Variants in TACC2 observed in about 807,000 individuals in gnomAD.
TACC2 encodes transforming acidic coiled-coil containing protein 2.
TACC2 carries 137 observed loss-of-function variants against 227.3 expected under a neutral mutation model. The ratio of observed to expected loss-of-function variants is 0.60; its 90% CI spans 0.52 to 0.69. The LOEUF is 0.69. Among genes scored for constraint, TACC2 ranks in the 30% least tolerant of loss-of-function variants. The pLI is 0.00. For missense variants in TACC2, 3,470 were observed against 3,694.4 expected (o/e 0.94, Z 1.57); for synonymous variants, 1,523 against 1,487.5 (o/e 1.02, Z -0.55).
intron 1 of TACC2, among the ~76,000 whole-genome samples, chr10:122,012,048 C>A (rs1402655800): frequency 6.6e-6 from 1 of 151,984 alleles, no homozygotes; most frequent in African/African-American, 2.4e-5. Flanking sequence ...AATGATTCTC[C>A]CGCTTCCGCC....
chr10:122,003,365 T>C (rs1322408497), intron 1 of TACC2, among the ~76,000 whole-genome samples: 1 of 152,218 alleles, frequency 6.6e-6, no homozygotes, highest in Non-Finnish European at 1.5e-5. Flanking sequence ...GGGAATTTAA[T>C]TCATTATTTT....
In TACC2 at chr10:122,082,796, C is replaced by A; in HGVS notation, c.296C>A (p.Pro99Gln). 1 of 1,613,842 alleles carries A rather than the reference C, an allele frequency of 6.2e-7. No individual in the cohort carries two copies. The highest frequency in any genetic ancestry group is 1.3e-5 in the African/African-American group (1 of 75,008). Residue 99 changes from proline (P) to glutamine (Q), a missense_variant, in exon 4 of 23, where the codon CCA becomes CAA. Transcript: ENST00000369005. ...GAAGGTTCTTTGCTGCCCAGCCCAC[C>A]ACCGTCCCAGGAGCGAGAGCACCCC... ...GPEGSLLPSP[P>Q]PSQEREHPSS...
rs993846941 is a variant in TACC2, at chr10:122,155,417, G to A, written c.5834+11711G>A. 1.8e-4 allele frequency among the ~76,000 whole-genome samples: 28 copies of A among 152,212 alleles called. 1 individual carries two copies. Among genetic ancestry groups the A allele is most frequent in the East Asian group, 1.9e-4 (1 of 5,200 alleles). ...ACACATCAACATTCAAAGCAAATGCGACATCAAACCTCTTTAAACAAGAAC... is the reference window on the plus strand; with the variant it reads ...ACACATCAACATTCAAAGCAAATGCAACATCAAACCTCTTTAAACAAGAAC... On this transcript the variant is annotated intron_variant, in intron 7 of 22. Transcript: ENST00000369005.
intron 7 of TACC2, chr10:122,163,926 T>C (rs1284984497): frequency 6.3e-7 from 1 of 1,576,410 alleles, no homozygotes; most frequent in Non-Finnish European, 8.6e-7. Context: ...ACAGCGAGGA[T>C]GGGAGGGTCG....
Position 122,087,377 on chromosome 10 carries a change from A to C in TACC2, c.4877A>C (p.His1626Pro). 1 of 1,614,062 alleles carries C rather than the reference A, an allele frequency of 6.2e-7. No homozygotes were observed. Among genetic ancestry groups the C allele is most frequent in the South Asian group, 1.1e-5 (1 of 91,086 alleles). Residue 1626 changes from histidine (H) to proline (P), a missense_variant, in exon 4 of 23, where the codon CAT (histidine) becomes CCT (proline). Physicochemically the swap from His to Pro is moderately conservative, Grantham distance 77. This residue lies in a region of TACC2 where 1,924 missense variants were observed against 1,978.3 expected (regional missense o/e 0.97). Coordinates refer to ENST00000369005, the MANE Select transcript of TACC2 (RefSeq NM_206862.4). The part of the protein sequence containing the change: ...GDFAHTGVPG[H>P]VPRSTCAPSP... Reference sequence around the variant, plus strand: ...TTTGCTCACACAGGGGTTCCAGGACATGTGCCAAGGTCCACGTGTGCCCCT... The same window carrying C: ...TTTGCTCACACAGGGGTTCCAGGACCTGTGCCAAGGTCCACGTGTGCCCCT...
chr10:122,210,615 G>A lies in TACC2; in HGVS notation c.6190G>A (p.Gly2064Ser), dbSNP rs916176525. The change falls in exon 9 of 23, where the codon GGC becomes AGC. Residue 2064 changes from glycine to serine, a missense_variant. Physicochemically the swap from Gly to Ser is moderately conservative, Grantham distance 56 (BLOSUM62 0). Transcript: ENST00000369005. This position sits in a 1 kb window ranked among gnomAD's most constrained non-coding sequence, Gnocchi z 4.6. ...PRASDAKNQE[G>S]KVNTRRKSTD... Reference sequence around the variant, plus strand: ...TGCCTCAGACGCTAAGAATCAGGAGGGCAAAGTGAACACACGGAGGAAGTC... The same window carrying A: ...TGCCTCAGACGCTAAGAATCAGGAGAGCAAAGTGAACACACGGAGGAAGTC... 1.2e-6 allele frequency: 2 copies of A among 1,614,034 alleles called. No homozygotes were observed. The highest frequency in any genetic ancestry group is 1.7e-5 in the Admixed American group (1 of 60,014).
intron 1 of TACC2, among the ~76,000 whole-genome samples, chr10:121,994,148 C>A (rs1320766709): frequency 6.6e-6 from 1 of 152,144 alleles, no homozygotes; most frequent in East Asian, 1.9e-4. Flanking sequence ...TTAGAACTCG[C>A]CTAACTAACT....
chr10:122,195,205 A>G (rs2094526070), intron 8 of TACC2, 29 bp downstream of exon 8: 1 of 1,579,430 alleles, frequency 6.3e-7, no homozygotes, highest in Non-Finnish European at 8.6e-7. Flanking sequence ...GCCCCCAGAC[A>G]GCCCTGTAGA....
chr10:122,248,487 G>T, intron 19 of TACC2, 156 bp from the exon 20 acceptor site: 5 of 825,050 alleles, frequency 6.1e-6, no homozygotes, highest in Non-Finnish European at 7.8e-6. Context: ...AGACAGTCTG[G>T]GAGGGCTCTG....
chr10:122,072,921 A>G (rs555177662), intron 3 of TACC2, among the ~76,000 whole-genome samples: 15 of 151,628 alleles, frequency 9.9e-5, no homozygotes, highest in East Asian at 5.9e-4. Context: ...AGACCATCCT[A>G]GCCAACATGA....
At chr10:122,062,079 C>T (rs1332901114) in intron 3 of TACC2, among the ~76,000 whole-genome samples, 1 of 121,672 alleles carries the variant, frequency 8.2e-6, no homozygotes, top group Non-Finnish European at 1.6e-5. Flanking sequence ...GTCACCCAGG[C>T]TGGAGTGCAG....
chr10:122,138,875 T>C (rs2090098221), intron 6 of TACC2, among the ~76,000 whole-genome samples: 3 of 152,254 alleles, frequency 2.0e-5, no homozygotes, highest in Admixed American at 1.3e-4. Context: ...TTTATCTGTA[T>C]AGGCAGATTT....
rs910845635 is a variant in TACC2, at chr10:122,096,568, T to C, written c.5573+7977T>C. ...AAAATTCGCTGGGCAGGGTGGTGCA[T>C]GCCTATAATCCCAGCTACACAGGAG... On this transcript the variant is annotated intron_variant, in intron 5 of 22. Transcript: ENST00000369005. Among the ~76,000 whole-genome samples, 9 of 152,002 alleles carry C rather than the reference T, an allele frequency of 5.9e-5. No homozygotes were observed. The South Asian group carries it at 8.3e-4, about 14-fold the overall frequency.
chr10:122,018,875 G>C (rs535000252), intron 1 of TACC2, among the ~76,000 whole-genome samples: 43 of 152,174 alleles, frequency 2.8e-4, no homozygotes, highest in Non-Finnish European at 4.1e-4. Context: ...CCACCTCCAA[G>C]GAGCTCCTAA....
chr10:122,235,929 C>T (rs2095849735), intron 16 of TACC2, among the ~76,000 whole-genome samples: 1 of 152,134 alleles, frequency 6.6e-6, no homozygotes, highest in Non-Finnish European at 1.5e-5. Context: ...AGGGTCACCC[C>T]AAGTATGCAA....
intron 3 of TACC2, among the ~76,000 whole-genome samples, chr10:122,073,163 ACACG>A (rs1230829444): frequency 6.9e-6 from 1 of 145,944 alleles, no homozygotes; most frequent in Non-Finnish European, 1.5e-5. Context: ...ACACACACAC[ACACG>A]CATACATGAG....
intron 7 of TACC2, among the ~76,000 whole-genome samples, chr10:122,160,318 C>G (rs969626236): frequency 1.3e-5 from 2 of 152,160 alleles, no homozygotes; most frequent in Admixed American, 1.3e-4. Context: ...AACAGACAGG[C>G]CCCCAGGGGC....
At chr10:122,206,817 A>G (rs1170989985) in intron 8 of TACC2, among the ~76,000 whole-genome samples, 5 of 152,072 alleles carry the variant, frequency 3.3e-5, no homozygotes, top group Non-Finnish European at 7.4e-5. Context: ...AGGTGGAGGA[A>G]GTGTTGTGTA....
At chr10:122,006,357 G>A (rs1397408942) in intron 1 of TACC2, among the ~76,000 whole-genome samples, 3 of 152,252 alleles carry the variant, frequency 2.0e-5, no homozygotes, top group East Asian at 1.9e-4. Context: ...GCTGAGGCAG[G>A]AGAATGGTGT....
Sources: allele counts gnomAD v4.1 joint callset (sites outside exome capture counted in the v4.1 genomes callset), GRCh38; gene constraint gnomAD v4.1.1; regional missense constraint gnomAD v4.1.1; non-coding constraint Gnocchi (gnomAD v3.1); transcripts MANE v1.5; gene names NCBI Gene and HGNC (gene_info 2026-07-23, HGNC 2026-07-21).